Variants in NR2E1 observed in about 807,000 individuals in gnomAD.
NR2E1 encodes the protein nuclear receptor subfamily 2 group E member 1.
Under a neutral mutation model 43.6 loss-of-function variants are expected in NR2E1, and 5 were observed. The ratio of observed to expected loss-of-function variants is 0.11; its 90% confidence interval spans 0.06 to 0.24. The LOEUF (loss-of-function observed/expected upper bound fraction) is 0.24. Ranked by LOEUF, NR2E1 falls within the 10% of genes least tolerant of loss-of-function variation. The pLI, the probability that NR2E1 is intolerant of heterozygous loss-of-function variation, is 1.00. For missense variants in NR2E1, 287 were observed against 496.7 expected, an observed-to-expected ratio of 0.58 and a Z score of 4.01; for synonymous variants, 191 against 195.5, an observed-to-expected ratio of 0.98 and a Z score of 0.19.
At position 108,169,166 on chromosome 6, in the gene NR2E1, C is replaced by T. The variant is rs1773763107; in HGVS notation, c.26-2292C>T. Among the ~76,000 whole-genome samples, 1 of 152,154 alleles carries T rather than the reference C, an allele frequency of 6.6e-6. No homozygotes were observed. The highest frequency in any genetic ancestry group is 1.9e-4 in the East Asian group (1 of 5,182). ...GGGTGGCGGAGTCTGAGGCACAGGC[C>T]CGCTATGCCCCGGAATTTTCGCGTC... On this transcript the variant is annotated intron_variant, in intron 1 of 8. Transcript: ENST00000368986. This position sits in a 1 kb window ranked among gnomAD's most constrained non-coding sequence, Gnocchi z 6.1.
intron 2 of NR2E1, among the ~76,000 whole-genome samples, chr6:108,173,803 C>T (rs1028564879): frequency 2.0e-5 from 3 of 152,222 alleles, no homozygotes; most frequent in African/African-American, 7.2e-5. Flanking sequence ...TGTATCTATG[C>T]ATATGTCCCC....
chr6:108,175,178 G>T (rs1437717366), intron 3 of NR2E1, among the ~76,000 whole-genome samples: 1 of 152,188 alleles, frequency 6.6e-6, no homozygotes, highest in African/African-American at 2.4e-5. Flanking sequence ...CACACAGGCA[G>T]CGCTTGGGGG....
chr6:108,171,489 T>C lies in NR2E1; in HGVS notation c.57T>C (p.Cys19=), dbSNP rs1582442320. The C allele has an allele frequency of 6.2e-7, 1 of 1,614,042 alleles. No individual in the cohort carries two copies. The highest frequency in any genetic ancestry group is 8.5e-7 in the Non-Finnish European group (1 of 1,180,032). Residue 19 remains cysteine (C), a synonymous_variant, in exon 2 of 9, where the codon TGT becomes TGC. Coordinates refer to ENST00000368986, the MANE Select transcript of NR2E1 (RefSeq NM_003269.5). ...SRILDIPCKV[C]GDRSSGKHYG... ...TTTTAGATATCCCCTGCAAAGTGTG[T>C]GGCGACCGCAGCTCGGGGAAGCACT...
At chr6:108,176,428 C>A in intron 3 of NR2E1, 75 bp from the exon 4 acceptor site, 1 of 1,465,788 alleles carries the variant, frequency 6.8e-7, no homozygotes, top group Non-Finnish European at 9.4e-7. Flanking sequence ...TGGGGCGGGG[C>A]TGGGGGGAGA....
At chr6:108,170,409 A>C (rs1773791745) in intron 1 of NR2E1, among the ~76,000 whole-genome samples, 1 of 152,164 alleles carries the variant, frequency 6.6e-6, no homozygotes, top group African/African-American at 2.4e-5. Flanking sequence ...CGCTTCAGGC[A>C]CTTGTTGGAC....
chr6:108,187,555 G>A lies in NR2E1; in HGVS notation c.*92G>A. The A allele has an allele frequency of 2.2e-6, 3 of 1,387,962 alleles. No individual in the cohort carries two copies. Among genetic ancestry groups the A allele is most frequent in the Non-Finnish European group, 3.1e-6 (3 of 981,260 alleles). 86.0% of individuals were successfully genotyped at this position (1,387,962 alleles called of 1,614,324 possible). A position where few individuals can be genotyped will look rare whatever the true frequency, so the allele number is the denominator to read the frequency against. On this transcript the variant is annotated 3_prime_UTR_variant, in exon 9 of 9. Transcript: ENST00000368986. ...CCTCAACTAACAAACCCTTCAGGAA[G>A]CATATACCGGGGAATGTGTAGCCTT...
In NR2E1 at chr6:108,180,301, T is replaced by C; in HGVS notation, c.643-22T>C. On this transcript the variant is annotated intron_variant, in intron 5 of 8. Coordinates refer to ENST00000368986, the MANE Select transcript of NR2E1 (RefSeq NM_003269.5). This position sits in a 1 kb window ranked among gnomAD's most constrained non-coding sequence, Gnocchi z 5.4. ...TTTATAAATTACACACTATATTATA[T>C]TATACATCTATTGTATGACAGCTGA... The C allele has an allele frequency of 7.3e-7, 1 of 1,368,626 alleles. No homozygotes were observed. The highest frequency in any genetic ancestry group is 2.3e-5 in the East Asian group (1 of 43,616). 84.8% of individuals were successfully genotyped at this position (1,368,626 alleles called of 1,614,324 possible). A position where few individuals can be genotyped will look rare whatever the true frequency, so the allele number is the denominator to read the frequency against.
chr6:108,182,751 G>A (rs572208219), intron 8 of NR2E1, among the ~76,000 whole-genome samples: 10 of 152,134 alleles, frequency 6.6e-5, no homozygotes, highest in South Asian at 2.1e-4. Flanking sequence ...TAGAGACGGG[G>A]TTTCACCGTG....
In NR2E1 at chr6:108,181,017, G is replaced by A. The variant is rs562851392; in HGVS notation, c.889+61G>A. On this transcript the variant is annotated intron_variant, in intron 7 of 8. Coordinates refer to ENST00000368986, the MANE Select transcript of NR2E1 (RefSeq NM_003269.5). ...CCAGTTTTGCCACCTCACTAATTCA[G>A]CCACCTCGAAGTCTGAACTGACCTT... 144 of 1,573,616 alleles carry A rather than the reference G, an allele frequency of 9.2e-5. 1 individual carries two copies. The East Asian group carries it at 2.5e-3, about 27-fold the overall frequency.
chr6:108,174,509 T>G (rs1163729676), intron 2 of NR2E1, among the ~76,000 whole-genome samples: 1 of 151,916 alleles, frequency 6.6e-6, no homozygotes, highest in Non-Finnish European at 1.5e-5. Context: ...TGGCGGAAGT[T>G]CCCCTAGCGA....
intron 1 of NR2E1, among the ~76,000 whole-genome samples, chr6:108,170,318 T>TA (rs1208055576): frequency 1.3e-5 from 2 of 152,230 alleles, no homozygotes; most frequent in Non-Finnish European, 2.9e-5. Flanking sequence ...TTGTTATTTT[T>TA]AAAATTAAAG....
chr6:108,166,562 T>C lies in NR2E1; in HGVS notation c.-204T>C. 1 of 517,822 alleles carries C rather than the reference T, an allele frequency of 1.9e-6. No individual in the cohort carries two copies. The highest frequency in any genetic ancestry group is 3.3e-6 in the Non-Finnish European group (1 of 299,534). 32.1% of individuals were successfully genotyped at this position (517,822 alleles called of 1,614,324 possible). A position where few individuals can be genotyped will look rare whatever the true frequency, so the allele number is the denominator to read the frequency against. ...GGTTTTGCAAGAGCCGGGAAGAAACTTAAGGATGCTTAAATTTCCACTGTT... is the reference window on the plus strand; with the variant it reads ...GGTTTTGCAAGAGCCGGGAAGAAACCTAAGGATGCTTAAATTTCCACTGTT... On this transcript the variant is annotated 5_prime_UTR_variant, in exon 1 of 9. Transcript: ENST00000368986. The surrounding 1 kb of genome is among the most constrained non-coding windows in gnomAD (Gnocchi z 7.2).
Position 108,178,745 on chromosome 6 carries a change from A to G in NR2E1, c.642+504A>G, listed in dbSNP as rs930886291. The G allele has an allele frequency of 2.3e-5, 5 of 219,200 alleles. No homozygotes were observed. The Admixed American group carries it at 2.6e-4, about 11-fold the overall frequency. The allele number at this position is 219,200 out of a possible 1,614,324, so 13.6% of individuals were successfully genotyped here. On this transcript the variant is annotated intron_variant, in intron 5 of 8. Coordinates refer to ENST00000368986, the MANE Select transcript of NR2E1 (RefSeq NM_003269.5). ...CATTAATTGATAAGCATGTAAAACC[A>G]AAGGGCACAGTGCACACCTCCTGTA...
intron 7 of NR2E1, 110 bp from the exon 8 acceptor site, chr6:108,181,436 C>T (rs549391599): frequency 1.4e-4 from 123 of 885,728 alleles, no homozygotes; most frequent in Admixed American, 2.1e-4. Flanking sequence ...TCAAGTGATC[C>T]GCCTGCCTCG....
Position 108,180,670 on chromosome 6 carries a change from A to G in NR2E1, c.740-137A>G. On this transcript the variant is annotated intron_variant, in intron 6 of 8. Coordinates refer to ENST00000368986, the MANE Select transcript of NR2E1 (RefSeq NM_003269.5). The surrounding 1 kb of genome is among the most constrained non-coding windows in gnomAD (Gnocchi z 5.4). Reference sequence around the variant, plus strand: ...GATTTTATATTAACTTTCATACAATATAGCCGGTTTACATGGAATCAGATA... The same window carrying G: ...GATTTTATATTAACTTTCATACAATGTAGCCGGTTTACATGGAATCAGATA... 1.2e-6 allele frequency: 1 copy of G among 858,914 alleles called. No individual in the cohort carries two copies. Among genetic ancestry groups the G allele is most frequent in the East Asian group, 2.6e-5 (1 of 37,834 alleles). The allele number at this position is 858,914 out of a possible 1,614,324, so 53.2% of individuals were successfully genotyped here.
In NR2E1 at chr6:108,187,587, A is replaced by G. The variant is rs560670351; in HGVS notation, c.*124A>G. 1.0e-4 allele frequency: 111 copies of G among 1,103,330 alleles called. No homozygotes were observed. In the African/African-American group the frequency reaches 1.5e-3, roughly 15 times the overall value. The allele number at this position is 1,103,330 out of a possible 1,614,324, so 68.3% of individuals were successfully genotyped here. A position where few individuals can be genotyped will look rare whatever the true frequency, so the allele number is the denominator to read the frequency against. On this transcript the variant is annotated 3_prime_UTR_variant, in exon 9 of 9. Coordinates refer to ENST00000368986, the MANE Select transcript of NR2E1 (RefSeq NM_003269.5). ...CCGGGGAATGTGTAGCCTTCAGGAA[A>G]AAAATGCCAATTGACACAAAGCATT... is the stretch of plus-strand genomic sequence containing the variant.
At chr6:108,182,722 C>A (rs1774013138) in intron 8 of NR2E1, among the ~76,000 whole-genome samples, 1 of 152,058 alleles carries the variant, frequency 6.6e-6, no homozygotes, top group African/African-American at 2.4e-5. Flanking sequence ...CCACGCCCAG[C>A]TAATTTTTGT....
Position 108,187,447 on chromosome 6 carries a change from A to T in NR2E1, c.1142A>T (p.Lys381Ile), listed in dbSNP as rs760614860. ...ACAAGACTGCTTTCAGATATGTACAAATCCAGTGATATCTAAGCTCACAAG... is the reference window on the plus strand; with the variant it reads ...ACAAGACTGCTTTCAGATATGTACATATCCAGTGATATCTAAGCTCACAAG... ...PITRLLSDMY[K>I]SSDI Residue 381 changes from lysine (K) to isoleucine (I), a missense_variant, in exon 9 of 9, where the codon AAA becomes ATA. Around this residue, in one of 4 missense-constraint regions of NR2E1, gnomAD observed 119 missense variants for 187.0 expected, o/e 0.64. Transcript: ENST00000368986. The T allele has an allele frequency of 1.2e-6, 2 of 1,614,214 alleles. No homozygotes were observed. Among genetic ancestry groups the T allele is most frequent in the South Asian group, 2.2e-5 (2 of 91,088 alleles).
At chr6:108,178,012 T>C in intron 4 of NR2E1, 83 bp from the exon 5 acceptor site, 2 of 1,470,782 alleles carry the variant, frequency 1.4e-6, no homozygotes, top group Non-Finnish European at 1.9e-6. Context: ...CTTCCTTGCT[T>C]TAATTAGAAA....
Sources: allele counts gnomAD v4.1 joint callset (sites outside exome capture counted in the v4.1 genomes callset), GRCh38; gene constraint gnomAD v4.1.1; regional missense constraint gnomAD v4.1.1; non-coding constraint Gnocchi (gnomAD v3.1); transcripts MANE v1.5; gene names NCBI Gene and HGNC (gene_info 2026-07-23, HGNC 2026-07-21).